The following HTR1F variants were observed in gnomAD, a reference collection of about 807,000 sequenced individuals.
The protein encoded by HTR1F is 5-hydroxytryptamine (serotonin) receptor 1F, G protein-coupled.
In HTR1F, 17 loss-of-function variants were observed where a neutral mutation model predicts 24.0. The ratio of observed to expected loss-of-function variants is 0.71; its 90% CI spans 0.48 to 1.06. The LOEUF is 1.06. Among genes scored for constraint, HTR1F ranks in the 50% least tolerant of loss-of-function variants. The pLI is 0.00. For synonymous variants in HTR1F, 186 were observed against 156.8 expected (o/e 1.19, Z -1.39); for missense variants, 391 against 427.8 (o/e 0.91, Z 0.76).
chr3:87,954,587 C>T (rs1311460941), intron 2 of HTR1F, among the ~76,000 whole-genome samples: 2 of 151,524 alleles, frequency 1.3e-5, no homozygotes, highest in African/African-American at 2.4e-5. Context: ...AAGGGATCAA[C>T]AGGGGTTGAT....
At chr3:87,831,999 A>G (rs1339852124) in intron 2 of HTR1F, among the ~76,000 whole-genome samples, 1 of 152,216 alleles carries the variant, frequency 6.6e-6, no homozygotes, top group Non-Finnish European at 1.5e-5. Flanking sequence ...TACTAGTGTC[A>G]TCCCCATAAG....
At chr3:87,989,947 A>G (rs1297964695) in intron 2 of HTR1F, among the ~76,000 whole-genome samples, 2 of 152,214 alleles carry the variant, frequency 1.3e-5, no homozygotes, top group African/African-American at 4.8e-5. Context: ...CTAAAGACAA[A>G]GAAGATTAAC....
rs529681161 is a variant in HTR1F, at chr3:87,966,466, T to C, written c.-42-24242T>C. On this transcript the variant is annotated intron_variant, in intron 2 of 2. Coordinates refer to ENST00000319595, the MANE Select transcript of HTR1F (RefSeq NM_001322209.2). ...ATTGATGGCTAAATGTGATGTCTTA[T>C]GTCTGTTGCATGTTAAACTTCACCT... Among the ~76,000 whole-genome samples the C allele has an allele frequency of 1.4e-3, 212 of 152,364 alleles. 1 individual carries two copies. Among genetic ancestry groups the C allele is most frequent in the African/African-American group, 4.8e-3 (198 of 41,574 alleles).
In HTR1F at chr3:87,852,362, G is replaced by T. The variant is rs144298733; in HGVS notation, c.-43+30238G>T. ...TTTTAGAAAATCTTGTTCATTCCCA[G>T]ATTTTAGATGTAGCCTCCATGGCTT... On this transcript the variant is annotated intron_variant, in intron 2 of 2. Transcript: ENST00000319595. 2.3e-3 allele frequency among the ~76,000 whole-genome samples: 349 copies of T among 151,668 alleles called. 1 individual carries two copies. Among genetic ancestry groups the T allele is most frequent in the Non-Finnish European group, 2.8e-3 (189 of 67,868 alleles).
At chr3:87,855,563 A>G (rs1442688325) in intron 2 of HTR1F, among the ~76,000 whole-genome samples, 1 of 152,054 alleles carries the variant, frequency 6.6e-6, no homozygotes, top group East Asian at 1.9e-4. Flanking sequence ...AGTGGGATGC[A>G]TTAGGGGGCC....
In HTR1F at chr3:87,849,096, G is replaced by A. The variant is rs1208837935; in HGVS notation, c.-43+26972G>A. Among the ~76,000 whole-genome samples, 2 of 151,110 alleles carry A rather than the reference G, an allele frequency of 1.3e-5. 1 individual carries two copies. The highest frequency in any genetic ancestry group is 4.9e-5 in the African/African-American group (2 of 40,710). On this transcript the variant is annotated intron_variant, in intron 2 of 2. Coordinates refer to ENST00000319595, the MANE Select transcript of HTR1F (RefSeq NM_001322209.2). Reference sequence around the variant, plus strand: ...TACCAATGACTTTCTTCACAGAATTGGAAAAAACTACTTTAAAGTTCATAT... The same window carrying A: ...TACCAATGACTTTCTTCACAGAATTAGAAAAAACTACTTTAAAGTTCATAT...
chr3:87,893,615 G>A (rs1204684164), intron 2 of HTR1F, among the ~76,000 whole-genome samples: 5 of 152,162 alleles, frequency 3.3e-5, no homozygotes, highest in Admixed American at 6.5e-5. Flanking sequence ...GTGTTTAAGC[G>A]CAATGGCCTG....
At chr3:87,919,740 T>C (rs1456199074) in intron 2 of HTR1F, among the ~76,000 whole-genome samples, 2 of 152,040 alleles carry the variant, frequency 1.3e-5, no homozygotes, top group Admixed American at 6.6e-5. Flanking sequence ...GTGGATGCAG[T>C]GGACAGGGCA....
chr3:87,909,406 GA>G, intron 2 of HTR1F, among the ~76,000 whole-genome samples: 1 of 151,916 alleles, frequency 6.6e-6, no homozygotes, highest in Non-Finnish European at 1.5e-5. Flanking sequence ...CATTAATGGT[GA>G]AAAAAGTCAA....
At chr3:87,965,609 G>A (rs1387468327) in intron 2 of HTR1F, among the ~76,000 whole-genome samples, 1 of 151,940 alleles carries the variant, frequency 6.6e-6, no homozygotes, top group Non-Finnish European at 1.5e-5. Flanking sequence ...ATATTCCAGG[G>A]ACACTAGATA....
intron 2 of HTR1F, among the ~76,000 whole-genome samples, chr3:87,946,630 T>A (rs200547120): frequency 0.074 from 10,112 of 136,498 alleles, 385 homozygotes; most frequent in South Asian, 0.1. Flanking sequence ...TATATATATT[T>A]TTTTTTTTTT....
At chr3:87,916,594 A>T (rs1703900527) in intron 2 of HTR1F, among the ~76,000 whole-genome samples, 1 of 152,124 alleles carries the variant, frequency 6.6e-6, no homozygotes, top group Admixed American at 6.6e-5. Flanking sequence ...CAGACAAAAC[A>T]AATTTTAAAA....
intron 2 of HTR1F, among the ~76,000 whole-genome samples, chr3:87,930,224 C>T (rs1704228431): frequency 6.6e-6 from 1 of 152,166 alleles, no homozygotes; most frequent in Non-Finnish European, 1.5e-5. Flanking sequence ...ATAGTGTCAT[C>T]TGCAAACAGT....
chr3:87,817,955 C>A (rs1189873680), intron 1 of HTR1F, among the ~76,000 whole-genome samples: 2 of 152,080 alleles, frequency 1.3e-5, no homozygotes, highest in Non-Finnish European at 2.9e-5. Flanking sequence ...AGTACAAATT[C>A]TGTGGAAACT....
At chr3:87,824,036 A>C (rs1170414659) in intron 2 of HTR1F, among the ~76,000 whole-genome samples, 6 of 139,438 alleles carry the variant, frequency 4.3e-5, no homozygotes, top group African/African-American at 1.9e-4. Context: ...ACAGGGTGAG[A>C]CTCCGCCTAA....
intron 2 of HTR1F, among the ~76,000 whole-genome samples, chr3:87,892,337 C>T (rs1706102999): frequency 6.6e-6 from 1 of 152,082 alleles, no homozygotes. Flanking sequence ...GATGTTAAAG[C>T]CTCTATCTCT....
chr3:87,886,110 A>G (rs1705935849), intron 2 of HTR1F, among the ~76,000 whole-genome samples: 1 of 152,200 alleles, frequency 6.6e-6, no homozygotes, highest in Non-Finnish European at 1.5e-5. Flanking sequence ...TGGCAAACTG[A>G]ATCTAGCATC....
chr3:87,943,883 C>A (rs970155326), intron 2 of HTR1F, among the ~76,000 whole-genome samples: 1 of 152,216 alleles, frequency 6.6e-6, no homozygotes, highest in East Asian at 1.9e-4. Flanking sequence ...TCCCAGTTCT[C>A]CAGAATACAT....
At chr3:87,925,157 C>T (rs565497431) in intron 2 of HTR1F, among the ~76,000 whole-genome samples, 1 of 152,006 alleles carries the variant, frequency 6.6e-6, no homozygotes, top group African/African-American at 2.4e-5. Flanking sequence ...TTTGTTGAGG[C>T]AGCAGTGTGG....
Sources: gnomAD v4.1 joint callset for allele counts (sites outside exome capture counted in the v4.1 genomes callset) on GRCh38, gnomAD v4.1.1 for gene constraint, MANE v1.5 for transcripts, NCBI Gene and HGNC (gene_info 2026-07-23, HGNC 2026-07-21) for gene names.